Variants in NEDD4 observed in about 807,000 individuals in gnomAD.
NEDD4 encodes the protein NEDD4 E3 ubiquitin protein ligase.
NEDD4 carries 99 observed loss-of-function variants against 144.9 expected under a neutral mutation model. That is an observed-to-expected ratio of 0.68 (90% confidence interval 0.58 to 0.81). The LOEUF (loss-of-function observed/expected upper bound fraction) is 0.81. Ranked by LOEUF, NEDD4 falls within the 30% of genes least tolerant of loss-of-function variation. The pLI is 0.00. For synonymous variants in NEDD4, 318 were observed against 350.6 expected (o/e 0.91, Z 1.04); for missense variants, 985 against 1,065.9 (o/e 0.92, Z 1.06).
At chr15:55,844,272 C>A (rs2033645317) in intron 18 of NEDD4, among the ~76,000 whole-genome samples, 1 of 152,042 alleles carries the variant, frequency 6.6e-6, no homozygotes, top group Middle Eastern at 3.2e-3. Context: ...AGTGTGAATG[C>A]AGTTAAGAAG....
At chr15:55,912,494 A>G (rs1451193030) in intron 5 of NEDD4, among the ~76,000 whole-genome samples, 2 of 152,148 alleles carry the variant, frequency 1.3e-5, no homozygotes, top group African/African-American at 4.8e-5. Context: ...AAATATGAAT[A>G]TAAGTAAAGA....
rs759199057 is a variant in NEDD4, at chr15:55,842,149, G to C, written c.1623C>G (p.Asn541Lys). 8 of 1,613,846 alleles carry C rather than the reference G, an allele frequency of 5.0e-6. No individual in the cohort carries two copies. Among genetic ancestry groups the C allele is most frequent in the Middle Eastern group, 1.6e-4 (1 of 6,084 alleles). The stretch of plus-strand genomic sequence containing the variant: ...CTCGGCGAAGTTTCATTTCAAATTT[G>C]TTTGGAATGTCATTCTGAAAATCCA... Reference protein sequence around the residue: ...RKLKKQNDIPNKFEMKLRRAT... With the variant: ...RKLKKQNDIPKKFEMKLRRAT... The change falls in exon 19 of 29, where the codon AAC becomes AAG. Residue 541 changes from asparagine to lysine, a missense_variant. By Grantham distance (94) the Asn-to-Lys change is moderately conservative. Transcript: ENST00000435532.
intron 8 of NEDD4, 138 bp downstream of exon 8, chr15:55,869,441 G>C: frequency 1.7e-6 from 1 of 584,692 alleles, no homozygotes; most frequent in Non-Finnish European, 3.0e-6. Flanking sequence ...AACTATTAAT[G>C]CTTGGGTGAA....
intron 5 of NEDD4, among the ~76,000 whole-genome samples, chr15:55,922,137 T>C (rs929101082): frequency 7.9e-5 from 12 of 152,204 alleles, no homozygotes; most frequent in Non-Finnish European, 1.5e-4. Flanking sequence ...AAAATGTTTA[T>C]CAATTTGTAA....
chr15:55,892,093 C>T (rs143782911), intron 5 of NEDD4, among the ~76,000 whole-genome samples: 124 of 151,984 alleles, frequency 8.2e-4, no homozygotes, highest in Non-Finnish European at 1.3e-3. Flanking sequence ...CGGCCAAACC[C>T]CGTCTCTACT....
intron 4 of NEDD4, among the ~76,000 whole-genome samples, chr15:55,946,266 T>C (rs113574741): frequency 0.029 from 4,410 of 152,222 alleles, 71 homozygotes; most frequent in Non-Finnish European, 0.035. Context: ...ACCCACCTCA[T>C]GTGCAGAGAC....
At chr15:55,896,168 C>T (rs1362779964) in intron 5 of NEDD4, among the ~76,000 whole-genome samples, 1 of 152,084 alleles carries the variant, frequency 6.6e-6, no homozygotes, top group Non-Finnish European at 1.5e-5. Context: ...CAGCTCAATG[C>T]CATTTTATTC....
At chr15:55,970,050 C>T (rs186359982) in intron 1 of NEDD4, among the ~76,000 whole-genome samples, 25 of 152,182 alleles carry the variant, frequency 1.6e-4, no homozygotes, top group Non-Finnish European at 3.4e-4. Flanking sequence ...AGGGAGAGAC[C>T]CAGGCCTGGC....
intron 5 of NEDD4, among the ~76,000 whole-genome samples, chr15:55,885,850 A>G (rs2035364905): frequency 6.6e-6 from 1 of 152,038 alleles, no homozygotes; most frequent in Non-Finnish European, 1.5e-5. Context: ...TTACTGAACA[A>G]TAATAACACT....
chr15:55,983,477 C>T (rs2037838875), intron 1 of NEDD4, among the ~76,000 whole-genome samples: 1 of 151,812 alleles, frequency 6.6e-6, no homozygotes, highest in East Asian at 1.9e-4. Flanking sequence ...ATCTTTTGCA[C>T]ATGTGGTTCT....
At chr15:55,985,916 T>A (rs902467199) in intron 1 of NEDD4, among the ~76,000 whole-genome samples, 4 of 152,098 alleles carry the variant, frequency 2.6e-5, no homozygotes, top group African/African-American at 9.7e-5. Context: ...AAATGGCTGA[T>A]TGTAGATAGC....
chr15:55,897,461 T>C (rs1313479583), intron 5 of NEDD4, among the ~76,000 whole-genome samples: 1 of 152,172 alleles, frequency 6.6e-6, no homozygotes, highest in African/African-American at 2.4e-5. Context: ...AATGCTGCAA[T>C]ATCAAAAGAA....
intron 2 of NEDD4, among the ~76,000 whole-genome samples, chr15:55,959,432 G>C (rs2037391235): frequency 1.3e-5 from 2 of 152,114 alleles, no homozygotes; most frequent in African/African-American, 4.8e-5. Context: ...GGTCTATCTT[G>C]ATTAACGTAC....
chr15:55,976,452 G>A (rs1211505291), intron 1 of NEDD4, among the ~76,000 whole-genome samples: 3 of 152,048 alleles, frequency 2.0e-5, no homozygotes, highest in African/African-American at 7.2e-5. Context: ...CATACAAATG[G>A]AAAACAAGTA....
intron 5 of NEDD4, among the ~76,000 whole-genome samples, chr15:55,889,528 T>C (rs534336253): frequency 6.6e-6 from 1 of 152,110 alleles, no homozygotes; most frequent in South Asian, 2.1e-4. Context: ...TTAAAACAAT[T>C]GAACTGAGAT....
chr15:55,851,299 A>G (rs2033969569), intron 13 of NEDD4, among the ~76,000 whole-genome samples: 1 of 152,328 alleles, frequency 6.6e-6, no homozygotes, highest in African/African-American at 2.4e-5. Context: ...ATCTATAAAT[A>G]ACAACATGGA....
intron 5 of NEDD4, among the ~76,000 whole-genome samples, chr15:55,918,970 T>C (rs549625468): frequency 5.3e-5 from 8 of 152,292 alleles, no homozygotes; most frequent in African/African-American, 1.9e-4. Context: ...TGAGATCTAA[T>C]TGTTCATGTC....
intron 1 of NEDD4, among the ~76,000 whole-genome samples, chr15:55,969,933 G>A (rs1169998059): frequency 6.6e-6 from 1 of 152,010 alleles, no homozygotes; most frequent in African/African-American, 2.4e-5. Flanking sequence ...CTCAGTCACA[G>A]TAAAATAAAG....
In NEDD4 at chr15:55,900,068, CT is replaced by C. The variant is rs113523545; in HGVS notation, c.291+24577del. Among the ~76,000 whole-genome samples the C allele has an allele frequency of 1.1e-3, 160 of 145,364 alleles. 2 individuals carry two copies. The highest frequency in any genetic ancestry group is 1.4e-3 in the African/African-American group (57 of 39,776). ...CACTGTGTTCAGAATCATGACTCCA[CT>C]TTTTTTTTTTTTAAACTAGTTTGGC... On this transcript the variant is annotated intron_variant, in intron 5 of 28. Coordinates refer to ENST00000435532, the MANE Select transcript of NEDD4 (RefSeq NM_006154.4).
Sources: allele counts gnomAD v4.1 joint callset (sites outside exome capture counted in the v4.1 genomes callset), GRCh38; gene constraint gnomAD v4.1.1; transcripts MANE v1.5; gene names NCBI Gene and HGNC (gene_info 2026-07-23, HGNC 2026-07-21).